Variants in GRID1 observed in about 807,000 individuals in gnomAD.
GRID1 encodes glutamate ionotropic receptor delta type subunit 1.
Under a neutral mutation model 98.0 loss-of-function variants are expected in GRID1, and 28 were observed. The ratio of observed to expected loss-of-function variants is 0.29; its 90% CI spans 0.21 to 0.39. The LOEUF (loss-of-function observed/expected upper bound fraction) is 0.39. Among genes scored for constraint, GRID1 ranks in the 10% least tolerant of loss-of-function variants. The pLI is 1.00. For synonymous variants in GRID1, 553 were observed against 538.5 expected, an observed-to-expected ratio of 1.03 and a Z score of -0.37; for missense variants, 1,111 against 1,340.5, an observed-to-expected ratio of 0.83 and a Z score of 2.67.
rs1589365886 is a variant in GRID1, at chr10:86,085,072, AAGAAG to A, written c.726+53742_726+53746del. ...CAATGTATATTTAAACAAATAAAGA[AAGAAG>A]AGGAGTTTCCAGGGAAGAGCATTTC... On this transcript the variant is annotated intron_variant, in intron 4 of 15. Coordinates refer to ENST00000327946, the MANE Select transcript of GRID1 (RefSeq NM_017551.3). Among the ~76,000 whole-genome samples, 6 of 152,366 alleles carry A rather than the reference AAGAAG, an allele frequency of 3.9e-5. No homozygotes were observed. In the South Asian group the frequency reaches 8.3e-4, roughly 21 times the overall value.
chr10:85,653,164 G>C (rs1840847518), intron 12 of GRID1, among the ~76,000 whole-genome samples: 1 of 152,228 alleles, frequency 6.6e-6, no homozygotes, highest in Non-Finnish European at 1.5e-5. Flanking sequence ...CTTGCAGGCT[G>C]TGACAAAGCA....
intron 8 of GRID1, among the ~76,000 whole-genome samples, chr10:85,760,440 C>A (rs868054068): frequency 2.2e-4 from 34 of 152,182 alleles, no homozygotes; most frequent in African/African-American, 7.7e-4. Context: ...GTGTCTGTCA[C>A]TCCCCCTGGC....
rs187645141 is a variant in GRID1, at chr10:85,989,222, A to T, written c.727-72983T>A. Among the ~76,000 whole-genome samples, 166 of 152,346 alleles carry T rather than the reference A, an allele frequency of 1.1e-3. 1 individual carries two copies. The highest frequency in any genetic ancestry group is 4.1e-3 in the East Asian group (21 of 5,184). On this transcript the variant is annotated intron_variant, in intron 4 of 15. Coordinates refer to ENST00000327946, the MANE Select transcript of GRID1 (RefSeq NM_017551.3). ...ATTGGCTTTGGACAGGTTGTTTGGCATGCAAAAAGTGTGTCACAGGTGGGT... is the reference window on the plus strand; with the variant it reads ...ATTGGCTTTGGACAGGTTGTTTGGCTTGCAAAAAGTGTGTCACAGGTGGGT...
chr10:86,352,203 A>T (rs1848473260), intron 2 of GRID1, among the ~76,000 whole-genome samples: 1 of 152,204 alleles, frequency 6.6e-6, no homozygotes, highest in Admixed American at 6.5e-5. Flanking sequence ...AGGTACATGG[A>T]TCTTCAGCTC....
At chr10:85,863,046 G>A (rs1183259073) in intron 6 of GRID1, among the ~76,000 whole-genome samples, 1 of 152,200 alleles carries the variant, frequency 6.6e-6, no homozygotes, top group Non-Finnish European at 1.5e-5. Context: ...ACTCCCCATC[G>A]CGTACAACAC....
rs376741364 is a variant in GRID1 at position 85,602,620 on chromosome 10, G to A, written c.2683C>T (p.Pro895Ser). The stretch of plus-strand genomic sequence containing the variant: ...AGGGCCGAGAGCTCAATCGACGCTG[G>A]GGAAATCTGCTTGTGAGCAATGTCT... ...DEDIAHKQIS[P>S]ASIELSALEM... The change falls in exon 16 of 16, where the codon CCA becomes TCA. Residue 895 changes from proline to serine, a missense_variant. Physicochemically the swap from Pro to Ser is moderately conservative, Grantham distance 74. This residue lies in a region of GRID1 where 762 missense variants were observed against 869.1 expected (regional missense o/e 0.88). Coordinates refer to ENST00000327946, the MANE Select transcript of GRID1 (RefSeq NM_017551.3). The A allele has an allele frequency of 1.2e-6, 2 of 1,614,006 alleles. No homozygotes were observed. Among genetic ancestry groups the A allele is most frequent in the East Asian group, 4.5e-5 (2 of 44,844 alleles).
At chr10:85,823,802 G>A (rs986244227) in intron 8 of GRID1, among the ~76,000 whole-genome samples, 1 of 152,124 alleles carries the variant, frequency 6.6e-6, no homozygotes, top group Admixed American at 6.6e-5. Flanking sequence ...CAAGAAGAAA[G>A]TAGAATAATA....
intron 8 of GRID1, among the ~76,000 whole-genome samples, chr10:85,843,211 TG>T (rs1842975840): frequency 6.6e-6 from 1 of 151,624 alleles, no homozygotes; most frequent in Non-Finnish European, 1.5e-5. Context: ...TTTAAACAAA[TG>T]GTGATGAGGC....
intron 12 of GRID1, among the ~76,000 whole-genome samples, chr10:85,680,035 A>G (rs1841189873): frequency 6.6e-6 from 1 of 152,150 alleles, no homozygotes; most frequent in African/African-American, 2.4e-5. Flanking sequence ...CGTCAGGCCT[A>G]TACTAACAAC....
intron 2 of GRID1, among the ~76,000 whole-genome samples, chr10:86,214,535 G>A (rs905624344): frequency 1.1e-4 from 16 of 152,040 alleles, no homozygotes; most frequent in African/African-American, 2.9e-4. Flanking sequence ...CTGCTTACCC[G>A]CCCCCCTGAC....
intron 4 of GRID1, among the ~76,000 whole-genome samples, chr10:86,072,069 A>G (rs1052237515): frequency 5.9e-5 from 9 of 152,198 alleles, no homozygotes; most frequent in Non-Finnish European, 7.3e-5. Context: ...CCGGGGGTGA[A>G]GGAAAGGTAG....
intron 4 of GRID1, among the ~76,000 whole-genome samples, chr10:86,130,806 T>A (rs1341761850): frequency 6.6e-6 from 1 of 152,222 alleles, no homozygotes; most frequent in South Asian, 2.1e-4. Flanking sequence ...CATCTGCAGA[T>A]GGCAGGAGCT....
At chr10:85,779,457 C>G (rs1468122989) in intron 8 of GRID1, among the ~76,000 whole-genome samples, 1 of 152,086 alleles carries the variant, frequency 6.6e-6, no homozygotes, top group Non-Finnish European at 1.5e-5. Context: ...GCATGCCAGG[C>G]CCTGTGCTCC....
At chr10:86,228,954 T>C (rs1052870995) in intron 2 of GRID1, among the ~76,000 whole-genome samples, 1 of 152,052 alleles carries the variant, frequency 6.6e-6, no homozygotes, top group Non-Finnish European at 1.5e-5. Context: ...CTCTAAATGC[T>C]CCACTTGCTC....
At chr10:86,228,969 G>A (rs533398386) in intron 2 of GRID1, among the ~76,000 whole-genome samples, 13 of 152,290 alleles carry the variant, frequency 8.5e-5, no homozygotes, top group African/African-American at 3.1e-4. Flanking sequence ...TTGCTCAGAG[G>A]CACCCTGAAC....
intron 3 of GRID1, among the ~76,000 whole-genome samples, chr10:86,161,655 C>T (rs1845325369): frequency 6.6e-6 from 1 of 152,140 alleles, no homozygotes; most frequent in Admixed American, 6.6e-5. Flanking sequence ...TCAGAATCTG[C>T]CTTCCCAAAA....
chr10:85,946,291 G>A (rs1382540091), intron 4 of GRID1, among the ~76,000 whole-genome samples: 1 of 152,200 alleles, frequency 6.6e-6, no homozygotes, highest in Non-Finnish European at 1.5e-5. Context: ...TCTCATGGCA[G>A]ATTAAATAGG....
At chr10:86,103,330 G>T (rs1172468420) in intron 4 of GRID1, among the ~76,000 whole-genome samples, 1 of 152,198 alleles carries the variant, frequency 6.6e-6, no homozygotes, top group African/African-American at 2.4e-5. Flanking sequence ...GACCAGAGCT[G>T]GCCATCAATT....
chr10:86,334,379 T>G (rs954760595), intron 2 of GRID1, among the ~76,000 whole-genome samples: 6 of 152,084 alleles, frequency 3.9e-5, no homozygotes, highest in Non-Finnish European at 7.4e-5. Flanking sequence ...GCACCATGCT[T>G]TCCTTCCAGG....
Sources: gnomAD v4.1 joint callset for allele counts (sites outside exome capture counted in the v4.1 genomes callset) on GRCh38, gnomAD v4.1.1 for gene constraint, gnomAD v4.1.1 regional missense constraint, MANE v1.5 for transcripts, NCBI Gene and HGNC (gene_info 2026-07-23, HGNC 2026-07-21) for gene names.